Variants in CDH13 observed in about 807,000 individuals in gnomAD.
The protein encoded by CDH13 is cadherin-13.
CDH13 carries 24 observed loss-of-function variants against 63.8 expected under a neutral mutation model. That is an observed-to-expected ratio of 0.38 (90% CI 0.27 to 0.53). The LOEUF is 0.53. CDH13 is among the 20% of genes least tolerant of loss of function. CDH13 has a pLI of 0.85. For missense variants in CDH13, 1,049 were observed against 903.1 expected, an observed-to-expected ratio of 1.16 and a Z score of -2.07; for synonymous variants, 503 against 355.3, an observed-to-expected ratio of 1.42 and a Z score of -4.67.
intron 4 of CDH13, among the ~76,000 whole-genome samples, chr16:83,194,095 G>A (rs1015652402): frequency 1.3e-5 from 2 of 152,192 alleles, no homozygotes; most frequent in Non-Finnish European, 2.9e-5. Context: ...CAATTTTCAA[G>A]GACAGCTCGT....
intron 8 of CDH13, among the ~76,000 whole-genome samples, chr16:83,656,877 A>T (rs1048110794): frequency 6.6e-6 from 1 of 152,180 alleles, no homozygotes; most frequent in South Asian, 2.1e-4. Context: ...CTCCAAGTCA[A>T]TCTTTAGGGA....
chr16:83,100,789 A>G (rs2034437699), intron 3 of CDH13, among the ~76,000 whole-genome samples: 1 of 152,216 alleles, frequency 6.6e-6, no homozygotes, highest in South Asian at 2.1e-4. Flanking sequence ...ATACACTTGC[A>G]GCACCCATGG....
At chr16:82,654,096 C>T (rs1466569926) in intron 1 of CDH13, among the ~76,000 whole-genome samples, 1 of 152,124 alleles carries the variant, frequency 6.6e-6, no homozygotes, top group African/African-American at 2.4e-5. Flanking sequence ...TCTCATTAGT[C>T]ATTGCAAAAA....
intron 7 of CDH13, among the ~76,000 whole-genome samples, chr16:83,507,931 C>G (rs2074441206): frequency 6.6e-6 from 1 of 151,360 alleles, no homozygotes; most frequent in South Asian, 2.1e-4. Context: ...ACTCAGGAGG[C>G]TGAAGCAGGA....
intron 2 of CDH13, among the ~76,000 whole-genome samples, chr16:82,961,043 G>T (rs537691665): frequency 6.6e-6 from 1 of 152,330 alleles, no homozygotes; most frequent in Non-Finnish European, 1.5e-5. Context: ...CAAAGCAGAT[G>T]CTCCGTTTTT....
chr16:83,343,825 C>G (rs1219453580), intron 5 of CDH13, among the ~76,000 whole-genome samples: 2 of 152,194 alleles, frequency 1.3e-5, no homozygotes, highest in Non-Finnish European at 2.9e-5. Context: ...TTTATCTTCT[C>G]TTTGCTTTCA....
At chr16:82,846,380 C>G (rs914471840) in intron 1 of CDH13, among the ~76,000 whole-genome samples, 3 of 151,902 alleles carry the variant, frequency 2.0e-5, no homozygotes, top group South Asian at 2.1e-4. Context: ...TATCAGCTAT[C>G]AATATAAATA....
At chr16:83,590,048 A>G (rs1939601186) in intron 7 of CDH13, among the ~76,000 whole-genome samples, 1 of 152,214 alleles carries the variant, frequency 6.6e-6, no homozygotes. Flanking sequence ...CAAATAGCTC[A>G]GCTTTACAGA....
chr16:82,919,335 T>C lies in CDH13; in HGVS notation c.157+60862T>C, dbSNP rs2042086078. On this transcript the variant is annotated intron_variant, in intron 2 of 13. Transcript: ENST00000567109. ...TACTAAGCCTAGTATCCAATAGTTA[T>C]TTTTTTCTGATCCTCTTTCTCCTCC... is the stretch of plus-strand genomic sequence containing the variant. Among the ~76,000 whole-genome samples the C allele has an allele frequency of 3.9e-5, 6 of 152,188 alleles. No homozygotes were observed. In the South Asian group the frequency reaches 1.2e-3, roughly 32 times the overall value.
intron 1 of CDH13, among the ~76,000 whole-genome samples, chr16:82,820,615 T>C (rs989983414): frequency 3.9e-5 from 6 of 152,178 alleles, no homozygotes; most frequent in African/African-American, 1.4e-4. Flanking sequence ...TTTTTATTGA[T>C]TATCTGCTAC....
Position 83,797,066 on chromosome 16 carries a change from C to T in CDH13, c.*2036C>T, listed in dbSNP as rs950692799. 6.6e-6 allele frequency: 1 copy of T among 152,280 alleles called. No individual in the cohort carries two copies. Among genetic ancestry groups the T allele is most frequent in the Non-Finnish European group, 1.5e-5 (1 of 68,086 alleles). 9.4% of individuals were successfully genotyped at this position (152,280 alleles called of 1,614,324 possible). On this transcript the variant is annotated 3_prime_UTR_variant, in exon 14 of 14. Transcript: ENST00000567109. ...TTCACACTCCACAAGATTTCCTCTA[C>T]TGGCTTTACAGGGCACTGTCACGCG... is the stretch of plus-strand genomic sequence containing the variant.
intron 3 of CDH13, among the ~76,000 whole-genome samples, chr16:83,124,722 G>A (rs1247703846): frequency 1.3e-5 from 2 of 151,998 alleles, no homozygotes; most frequent in Non-Finnish European, 2.9e-5. Context: ...TCACTCTTAG[G>A]TATATGATTA....
chr16:83,280,754 A>G (rs912076078), intron 5 of CDH13, among the ~76,000 whole-genome samples: 2 of 152,222 alleles, frequency 1.3e-5, no homozygotes, highest in Admixed American at 6.5e-5. Context: ...TTACTCCTTG[A>G]TCCATGAGTT....
At chr16:82,726,058 AG>A (rs1398628619) in intron 1 of CDH13, among the ~76,000 whole-genome samples, 5 of 152,140 alleles carry the variant, frequency 3.3e-5, no homozygotes, top group Non-Finnish European at 7.4e-5. Context: ...GAACTGGTAC[AG>A]GGTTTCATTA....
intron 2 of CDH13, among the ~76,000 whole-genome samples, chr16:83,010,828 A>T (rs1050676857): frequency 6.6e-6 from 1 of 152,164 alleles, no homozygotes; most frequent in African/African-American, 2.4e-5. Flanking sequence ...CTAGTAGTGG[A>T]GCTTACGTGC....
intron 1 of CDH13, among the ~76,000 whole-genome samples, chr16:82,743,465 C>G (rs1048411727): frequency 6.6e-6 from 1 of 152,326 alleles, no homozygotes; most frequent in South Asian, 2.1e-4. Context: ...TCCACTCACC[C>G]ACTTCAGCCT....
chr16:82,879,818 T>A (rs2040631228), intron 2 of CDH13, among the ~76,000 whole-genome samples: 2 of 126,198 alleles, frequency 1.6e-5, no homozygotes, highest in East Asian at 9.4e-4. Flanking sequence ...ATATAATTTA[T>A]AAATATATAT....
At chr16:83,270,749 G>T (rs1242318273) in intron 5 of CDH13, among the ~76,000 whole-genome samples, 1 of 152,068 alleles carries the variant, frequency 6.6e-6, no homozygotes, top group Non-Finnish European at 1.5e-5. Flanking sequence ...GTTTTCTCAT[G>T]ATAAGAATTA....
intron 3 of CDH13, among the ~76,000 whole-genome samples, chr16:83,055,836 T>A (rs113834412): frequency 1.3e-5 from 2 of 152,252 alleles, no homozygotes; most frequent in Non-Finnish European, 2.9e-5. Context: ...TGAATGTATA[T>A]GAGAAGGTAG....
Sources: gnomAD v4.1 joint callset for allele counts (sites outside exome capture counted in the v4.1 genomes callset) on GRCh38, gnomAD v4.1.1 for gene constraint, MANE v1.5 for transcripts, NCBI Gene and HGNC (gene_info 2026-07-23, HGNC 2026-07-21) for gene names.